CCDC178: variants seen among roughly 807,000 people sequenced by gnomAD.
CCDC178 encodes coiled-coil domain containing 178.
In CCDC178, 126 loss-of-function variants were observed where a neutral mutation model predicts 117.4. That is an observed-to-expected ratio of 1.07 (90% confidence interval 0.93 to 1.24). CCDC178 has a LOEUF of 1.24. CCDC178 is among the 50% of genes most tolerant of loss of function. CCDC178 has a pLI of 0.00. For missense variants in CCDC178, 1,030 were observed against 986.9 expected (o/e 1.04, Z -0.59); for synonymous variants, 283 against 313.4 (o/e 0.90, Z 1.02).
intron 20 of CCDC178, among the ~76,000 whole-genome samples, chr18:33,132,812 T>G (rs2058081508): frequency 6.6e-6 from 1 of 151,764 alleles, no homozygotes. Flanking sequence ...AATGCTTTTA[T>G]AGTTTACTTT....
intron 21 of CCDC178, among the ~76,000 whole-genome samples, chr18:33,001,560 A>C (rs934254840): frequency 6.6e-6 from 1 of 152,008 alleles, no homozygotes; most frequent in Non-Finnish European, 1.5e-5. Context: ...AAAACATACC[A>C]CCAGAGAAAA....
At chr18:33,179,587 T>C (rs2058711036) in intron 20 of CCDC178, among the ~76,000 whole-genome samples, 1 of 151,998 alleles carries the variant, frequency 6.6e-6, no homozygotes, top group East Asian at 1.9e-4. Context: ...AAAGGAAATA[T>C]AACCCAAGTG....
Position 32,998,996 on chromosome 18 carries a change from T to C in CCDC178, c.2389-24315A>G, listed in dbSNP as rs369289982. Among the ~76,000 whole-genome samples the C allele has an allele frequency of 9.9e-5, 15 of 152,142 alleles. No homozygotes were observed. In the East Asian group the frequency reaches 2.7e-3, roughly 28 times the overall value. ...ACTTTGTCTCACAGCTTAGGTAGCA[T>C]CTTGGCCACAGTAGAGTAGACAAGT... On this transcript the variant is annotated intron_variant, in intron 21 of 22. Coordinates refer to ENST00000383096, the MANE Select transcript of CCDC178 (RefSeq NM_001105528.4).
At chr18:33,237,792 C>T (rs1808512576) in intron 15 of CCDC178, among the ~76,000 whole-genome samples, 1 of 148,854 alleles carries the variant, frequency 6.7e-6, no homozygotes. Flanking sequence ...AAAAAAAAAA[C>T]ATAAATAAAA....
chr18:33,270,757 G>T (rs1471455417), intron 12 of CCDC178, among the ~76,000 whole-genome samples: 1 of 151,306 alleles, frequency 6.6e-6, no homozygotes, highest in Non-Finnish European at 1.5e-5. Context: ...ATGAAAGAAT[G>T]CTAGACAGTA....
rs568679914 is a variant in CCDC178 at position 33,016,257 on chromosome 18, C to CTA, written c.2389-41578_2389-41577dup. 5.8e-4 allele frequency among the ~76,000 whole-genome samples: 88 copies of CTA among 151,976 alleles called. 2 individuals carry two copies. The East Asian group carries it at 0.011, about 18-fold the overall frequency. ...GAAAAAATACTGTCAACTAAGAATT[C>CTA]TATATATGGTTAAACTATCTTTCAA... On this transcript the variant is annotated intron_variant, in intron 21 of 22. Transcript: ENST00000383096.
intron 20 of CCDC178, among the ~76,000 whole-genome samples, chr18:33,104,256 C>T (rs1393522204): frequency 6.6e-6 from 1 of 151,632 alleles, no homozygotes; most frequent in Non-Finnish European, 1.5e-5. Context: ...TCAAACATGT[C>T]TAGAAATCCA....
At chr18:33,344,310 C>CAAAAAAAAAA (rs58987470) in intron 9 of CCDC178, among the ~76,000 whole-genome samples, 11 of 80,790 alleles carry the variant, frequency 1.4e-4, no homozygotes, top group Non-Finnish European at 2.4e-4. Context: ...GACTCCGTCT[C>CAAAAAAAAAA]AAAAAAAAAA....
chr18:33,429,645 A>G (rs1228163417), intron 2 of CCDC178, among the ~76,000 whole-genome samples: 5 of 152,236 alleles, frequency 3.3e-5, no homozygotes, highest in African/African-American at 1.2e-4. Context: ...AAAGCATGAA[A>G]TAAAAAGAAC....
In CCDC178 at chr18:32,937,884, G is replaced by T. The variant is rs760093802; in HGVS notation, c.*127C>A. 5.8e-6 allele frequency: 4 copies of T among 684,702 alleles called. No individual in the cohort carries two copies. Among genetic ancestry groups the T allele is most frequent in the Non-Finnish European group, 1.0e-5 (4 of 381,424 alleles). 42.4% of individuals were successfully genotyped at this position (684,702 alleles called of 1,614,324 possible). A position where few individuals can be genotyped will look rare whatever the true frequency, so the allele number is the denominator to read the frequency against. ...AAAGAGTGGCAAAGCATGCTGGGAG[G>T]TGAGTGAGTTTTTCGTTCATGGAAG... On this transcript the variant is annotated 3_prime_UTR_variant, in exon 23 of 23. Transcript: ENST00000383096.
intron 11 of CCDC178, among the ~76,000 whole-genome samples, chr18:33,317,997 C>A (rs1315565431): frequency 1.3e-5 from 2 of 152,160 alleles, no homozygotes; most frequent in East Asian, 3.9e-4. Flanking sequence ...ATGAAACAAC[C>A]GGAAGAAGGC....
chr18:33,086,501 T>G (rs1340877685), intron 21 of CCDC178, among the ~76,000 whole-genome samples: 1 of 151,478 alleles, frequency 6.6e-6, no homozygotes, highest in East Asian at 1.9e-4. Flanking sequence ...TTCCAAGGTT[T>G]AATCTACTAA....
At chr18:33,250,899 G>A (rs1387246568) in intron 14 of CCDC178, among the ~76,000 whole-genome samples, 1 of 151,502 alleles carries the variant, frequency 6.6e-6, no homozygotes, top group South Asian at 2.1e-4. Context: ...AAATTCTGAA[G>A]TTCCCAGAGA....
rs2058922654 is a variant in CCDC178 at position 33,195,765 on chromosome 18, A to T, written c.2238+16131T>A. 9.2e-5 allele frequency among the ~76,000 whole-genome samples: 14 copies of T among 152,334 alleles called. No homozygotes were observed. The South Asian group carries it at 2.9e-3, about 32-fold the overall frequency. ...AAGGCTATATTTCTATATTTATTAG[A>T]CAGAGTCCTATGATAATAACTTATA... On this transcript the variant is annotated intron_variant, in intron 20 of 22. Coordinates refer to ENST00000383096, the MANE Select transcript of CCDC178 (RefSeq NM_001105528.4).
intron 21 of CCDC178, among the ~76,000 whole-genome samples, chr18:33,023,473 G>A (rs528565544): frequency 6.6e-6 from 1 of 152,236 alleles, no homozygotes; most frequent in Non-Finnish European, 1.5e-5. Context: ...AATAATTTGT[G>A]GGTCAAAGAG....
rs935228378 is a variant in CCDC178, at chr18:32,964,797, A to C, written c.2523+9750T>G. 1.9e-4 allele frequency among the ~76,000 whole-genome samples: 29 copies of C among 152,078 alleles called. 1 individual carries two copies. In the East Asian group the frequency reaches 5.0e-3, roughly 26 times the overall value. On this transcript the variant is annotated intron_variant, in intron 22 of 22. Transcript: ENST00000383096. ...TTCACTTCAGAAAATATCCCATAGA[A>C]AGAGAGATTTTTTAAAAAAGTTTAC...
At chr18:32,991,491 G>A (rs1461243697) in intron 21 of CCDC178, among the ~76,000 whole-genome samples, 1 of 152,188 alleles carries the variant, frequency 6.6e-6, no homozygotes, top group African/African-American at 2.4e-5. Flanking sequence ...CTTAACAAGA[G>A]AAAATGGTGG....
chr18:33,325,864 G>C (rs1599164406), intron 10 of CCDC178, among the ~76,000 whole-genome samples: 1 of 152,280 alleles, frequency 6.6e-6, no homozygotes, highest in African/African-American at 2.4e-5. Flanking sequence ...TATAGAATGA[G>C]ACAAGTTAAA....
At chr18:33,107,650 CTT>C (rs2057725876) in intron 20 of CCDC178, among the ~76,000 whole-genome samples, 1 of 151,556 alleles carries the variant, frequency 6.6e-6, no homozygotes, top group African/African-American at 2.4e-5. Flanking sequence ...TCCAGTTTTT[CTT>C]TTTCTTTTCT....
Sources: gnomAD v4.1 joint callset for allele counts (sites outside exome capture counted in the v4.1 genomes callset) on GRCh38, gnomAD v4.1.1 for gene constraint, MANE v1.5 for transcripts, NCBI Gene and HGNC (gene_info 2026-07-23, HGNC 2026-07-21) for gene names.